DNAH9: variants seen among roughly 807,000 people sequenced by gnomAD.
DNAH9 encodes the protein dynein axonemal heavy chain 9.
In DNAH9, 345 loss-of-function variants were observed where a neutral mutation model predicts 471.6. The ratio of observed to expected loss-of-function variants is 0.73; its 90% CI spans 0.67 to 0.80. The LOEUF (loss-of-function observed/expected upper bound fraction) is 0.80. Among genes scored for constraint, DNAH9 ranks in the 30% least tolerant of loss-of-function variants. The probability of loss-of-function intolerance (pLI) is 0.00; values close to 1 mark genes in which losing one functional copy is unlikely to be tolerated. For synonymous variants in DNAH9, 2,093 were observed against 2,123.6 expected (o/e 0.99, Z 0.40); for missense variants, 5,407 against 5,609.2 (o/e 0.96, Z 1.15).
At chr17:11,855,071 T>G (rs1971575953) in intron 50 of DNAH9, among the ~76,000 whole-genome samples, 1 of 152,168 alleles carries the variant, frequency 6.6e-6, no homozygotes, top group Admixed American at 6.5e-5. Context: ...AATTCATTTT[T>G]TTTTTTAATC....
intron 59 of DNAH9, among the ~76,000 whole-genome samples, chr17:11,898,632 A>G (rs144813210): frequency 6.6e-6 from 1 of 152,336 alleles, no homozygotes; most frequent in Non-Finnish European, 1.5e-5. Context: ...TGGTGTCCAC[A>G]TGCTATAGTC....
Position 11,680,824 on chromosome 17 carries a change from G to A in DNAH9, c.3678G>A (p.Arg1226=), listed in dbSNP as rs754314033. The A allele has an allele frequency of 1.9e-6, 3 of 1,613,894 alleles. No individual in the cohort carries two copies. Among genetic ancestry groups the A allele is most frequent in the Admixed American group, 1.7e-5 (1 of 59,984 alleles). The stretch of plus-strand genomic sequence containing the variant: ...ATGAAGTGACACTCCTCCGCCAGAG[G>A]TGCACAGCCTTCGATGCAGAACAGC... The part of the protein sequence containing the change: ...QANEVTLLRQ[R]CTAFDAEQQQ... Residue 1226 remains arginine (R), a synonymous_variant, in exon 19 of 69, where the codon AGG becomes AGA. Transcript: ENST00000262442.
chr17:11,908,601 T>C (rs1383001455), intron 61 of DNAH9, among the ~76,000 whole-genome samples: 1 of 152,234 alleles, frequency 6.6e-6, no homozygotes, highest in Non-Finnish European at 1.5e-5. Context: ...TCAGTCGATA[T>C]TGCAAACCAT....
chr17:11,701,258 A>G lies in DNAH9; in HGVS notation c.5151+11A>G. 1 of 1,612,424 alleles carries G rather than the reference A, an allele frequency of 6.2e-7. No homozygotes were observed. ...GACCACCCAGCTCAGGTATTCTCCT[A>G]ATGGGATCCCCATCCTCCATGGTTG... is the stretch of plus-strand genomic sequence containing the variant. On this transcript the variant is annotated intron_variant, in intron 24 of 68. Transcript: ENST00000262442.
chr17:11,694,264 G>A, intron 21 of DNAH9, 57 bp from the exon 22 acceptor site: 1 of 1,582,542 alleles, frequency 6.3e-7, no homozygotes, highest in Non-Finnish European at 8.7e-7. Context: ...AGTAATGTAT[G>A]TGTATCCATG....
At chr17:11,824,607 C>T (rs546463979) in intron 48 of DNAH9, among the ~76,000 whole-genome samples, 1 of 152,336 alleles carries the variant, frequency 6.6e-6, no homozygotes, top group South Asian at 2.1e-4. Context: ...AGTTTACCCT[C>T]ACCAATACTA....
chr17:11,793,797 A>T, intron 42 of DNAH9, 133 bp downstream of exon 42: 3 of 776,154 alleles, frequency 3.9e-6, no homozygotes, highest in Non-Finnish European at 5.9e-6. Flanking sequence ...AAATTCTGTC[A>T]TAATTTTGCC....
intron 41 of DNAH9, among the ~76,000 whole-genome samples, chr17:11,789,802 T>C (rs1969001337): frequency 6.6e-6 from 1 of 152,046 alleles, no homozygotes; most frequent in African/African-American, 2.4e-5. Flanking sequence ...ATCCTTTGTC[T>C]CATCTAAAAC....
chr17:11,918,408 T>G (rs1974027149), intron 61 of DNAH9, among the ~76,000 whole-genome samples: 1 of 152,084 alleles, frequency 6.6e-6, no homozygotes, highest in Non-Finnish European at 1.5e-5. Context: ...TTTTTTGTAT[T>G]TTTTGTAGAG....
intron 61 of DNAH9, among the ~76,000 whole-genome samples, chr17:11,919,323 A>C (rs963265636): frequency 6.6e-6 from 1 of 151,634 alleles, no homozygotes; most frequent in Non-Finnish European, 1.5e-5. Flanking sequence ...GTGAAACCCT[A>C]TCTCTACTAA....
rs550300868 is a variant in DNAH9, at chr17:11,877,473, TAAAAAAAAAAAAAAAAAA to T, written c.10478+2302_10478+2319del. On this transcript the variant is annotated intron_variant, in intron 53 of 68. Coordinates refer to ENST00000262442, the MANE Select transcript of DNAH9 (RefSeq NM_001372.4). ...GGGGGACAAGAACGAAAACTCTGTC[TAAAAAAAAAAAAAAAAAA>T]AAAAAAAAAAAAGTAATGGTGGCAG... Among the ~76,000 whole-genome samples the T allele has an allele frequency of 2.9e-4, 20 of 68,632 alleles. No homozygotes were observed. The South Asian group carries it at 6.3e-3, about 22-fold the overall frequency. The allele number at this position is 68,632 out of a possible 152,430, so 45.0% of individuals were successfully genotyped here.
chr17:11,604,560 C>T (rs980478089), intron 1 of DNAH9, among the ~76,000 whole-genome samples: 3 of 152,168 alleles, frequency 2.0e-5, no homozygotes, highest in African/African-American at 7.2e-5. Context: ...CGAGATACTA[C>T]ATTTTAACAT....
At chr17:11,725,028 A>G (rs543104116) in intron 27 of DNAH9, among the ~76,000 whole-genome samples, 6 of 152,156 alleles carry the variant, frequency 3.9e-5, no homozygotes, top group Non-Finnish European at 8.8e-5. Context: ...GCAATTCACA[A>G]TGGGGTTCAT....
At chr17:11,772,972 T>C (rs1968270068) in intron 38 of DNAH9, among the ~76,000 whole-genome samples, 1 of 152,238 alleles carries the variant, frequency 6.6e-6, no homozygotes, top group African/African-American at 2.4e-5. Flanking sequence ...TTTGGGCTTC[T>C]TAGCCCAAGA....
At position 11,880,120 on chromosome 17, in the gene DNAH9, G is replaced by A. The variant is rs1213068510; in HGVS notation, c.10521G>A (p.Val3507=). The A allele has an allele frequency of 2.5e-6, 4 of 1,614,000 alleles. No individual in the cohort carries two copies. The Middle Eastern group carries it at 4.9e-4, about 200-fold the overall frequency. The change falls in exon 54 of 69, where the codon GTG becomes GTA. Residue 3507 remains valine (V), a synonymous_variant. Coordinates refer to ENST00000262442, the MANE Select transcript of DNAH9 (RefSeq NM_001372.4). ...IIEQALEAGA[V]VLIENLEESI... Reference sequence around the variant, plus strand: ...AGCAGGCCCTGGAAGCTGGAGCTGTGGTGCTGATTGAAAATCTAGAGGAGT... The same window carrying A: ...AGCAGGCCCTGGAAGCTGGAGCTGTAGTGCTGATTGAAAATCTAGAGGAGT...
intron 51 of DNAH9, among the ~76,000 whole-genome samples, chr17:11,870,048 G>A (rs138088233): frequency 6.8e-4 from 104 of 152,210 alleles, no homozygotes; most frequent in Middle Eastern, 3.4e-3. Flanking sequence ...GCATTTCCAC[G>A]CATTCCCTCT....
intron 7 of DNAH9, among the ~76,000 whole-genome samples, chr17:11,631,642 A>T (rs1350121013): frequency 6.8e-6 from 1 of 147,566 alleles, no homozygotes; most frequent in Non-Finnish European, 1.5e-5. Context: ...CTCTGTCTCA[A>T]AAAAAAAAAA....
At chr17:11,633,489 C>T (rs1356460152) in intron 8 of DNAH9, among the ~76,000 whole-genome samples, 1 of 152,172 alleles carries the variant, frequency 6.6e-6, no homozygotes, top group African/African-American at 2.4e-5. Context: ...GAGGCTTAAA[C>T]CCTGGATGGA....
intron 32 of DNAH9, among the ~76,000 whole-genome samples, chr17:11,749,397 T>A (rs1967055662): frequency 6.6e-6 from 1 of 152,116 alleles, no homozygotes; most frequent in African/African-American, 2.4e-5. Context: ...AAGAGTTTTT[T>A]AATATATCAA....
Sources: allele counts gnomAD v4.1 joint callset (sites outside exome capture counted in the v4.1 genomes callset), GRCh38; gene constraint gnomAD v4.1.1; transcripts MANE v1.5; gene names NCBI Gene and HGNC (gene_info 2026-07-23, HGNC 2026-07-21).